The following MYCBP2 variants were observed in gnomAD, a reference collection of about 807,000 sequenced individuals.
MYCBP2 encodes the protein E3 ubiquitin-protein ligase MYCBP2.
A neutral mutation model predicts 525.3 loss-of-function variants in MYCBP2; 120 were observed. The ratio of observed to expected loss-of-function variants is 0.23; its 90% CI spans 0.20 to 0.27. The LOEUF (loss-of-function observed/expected upper bound fraction) is 0.27. MYCBP2 is among the 10% of genes least tolerant of loss of function. The pLI is 1.00. For synonymous variants in MYCBP2, 1,894 were observed against 1,955.8 expected (o/e 0.97, Z 0.83); for missense variants, 4,149 against 5,657.1 (o/e 0.73, Z 8.55).
intron 4 of MYCBP2, among the ~76,000 whole-genome samples, chr13:77,276,816 G>GC (rs2075654647): frequency 2.6e-5 from 2 of 76,220 alleles, no homozygotes; most frequent in Admixed American, 3.6e-4. Context: ...TCCATGCCCA[G>GC]TTTTTTTTTT....
intron 14 of MYCBP2, among the ~76,000 whole-genome samples, chr13:77,252,415 A>C (rs1164857906): frequency 6.6e-6 from 1 of 152,214 alleles, no homozygotes; most frequent in African/African-American, 2.4e-5. Context: ...TGTAGTAAGA[A>C]AGACAGACAT....
intron 1 of MYCBP2, among the ~76,000 whole-genome samples, chr13:77,319,441 T>TG (rs2081336373): frequency 6.6e-6 from 1 of 152,196 alleles, no homozygotes; most frequent in Non-Finnish European, 1.5e-5. Flanking sequence ...CTACCTACCT[T>TG]GGTGCTCTGC....
intron 33 of MYCBP2, 23 bp from the exon 34 acceptor site, chr13:77,180,341 C>G: frequency 6.2e-7 from 1 of 1,605,752 alleles, no homozygotes; most frequent in Non-Finnish European, 8.5e-7. Context: ...AGAAAAAGTT[C>G]TAAGGTATTG....
chr13:77,277,886 G>A (rs2075798860), intron 4 of MYCBP2, among the ~76,000 whole-genome samples: 1 of 152,160 alleles, frequency 6.6e-6, no homozygotes, highest in East Asian at 1.9e-4. Context: ...TAGCATCGGA[G>A]AAAAAAAGCA....
chr13:77,056,142 G>T (rs1192867727), intron 79 of MYCBP2, among the ~76,000 whole-genome samples: 2 of 148,200 alleles, frequency 1.3e-5, no homozygotes, highest in Admixed American at 6.7e-5. Flanking sequence ...GTGTGTGTGT[G>T]TGTGTGTGTG....
At chr13:77,192,503 G>A (rs1009131300) in intron 27 of MYCBP2, among the ~76,000 whole-genome samples, 4 of 152,276 alleles carry the variant, frequency 2.6e-5, no homozygotes, top group African/African-American at 9.6e-5. Flanking sequence ...CAGAGTGGAA[G>A]GAATGTTTAT....
intron 2 of MYCBP2, among the ~76,000 whole-genome samples, chr13:77,293,274 A>G (rs2077690879): frequency 6.6e-6 from 1 of 152,224 alleles, no homozygotes; most frequent in African/African-American, 2.4e-5. Context: ...TAATCACAGA[A>G]GAAAAGAGAA....
intron 1 of MYCBP2, among the ~76,000 whole-genome samples, chr13:77,304,502 G>C (rs926953651): frequency 1.3e-5 from 2 of 152,256 alleles, no homozygotes; most frequent in Admixed American, 6.5e-5. Context: ...CAAAATCAGA[G>C]CTAGAAAGTA....
At chr13:77,320,979 T>C (rs1323271291) in intron 1 of MYCBP2, among the ~76,000 whole-genome samples, 4 of 152,176 alleles carry the variant, frequency 2.6e-5, no homozygotes, top group African/African-American at 9.7e-5. Context: ...TAGGAGGGCC[T>C]GACAGAACTT....
chr13:77,239,451 C>T (rs1457318512), intron 17 of MYCBP2, among the ~76,000 whole-genome samples: 2 of 152,106 alleles, frequency 1.3e-5, no homozygotes, highest in East Asian at 1.9e-4. Context: ...CAGAGAAGAG[C>T]CTTAGAACAC....
chr13:77,286,789 A>AAT (rs1197559343), intron 3 of MYCBP2, among the ~76,000 whole-genome samples: 4,181 of 42,138 alleles, frequency 0.099, 232 homozygotes, highest in East Asian at 0.12. Context: ...AAAAAAAAAA[A>AAT]ATATATATAT....
intron 55 of MYCBP2, among the ~76,000 whole-genome samples, chr13:77,117,695 T>C (rs1459552065): frequency 6.6e-6 from 1 of 152,158 alleles, no homozygotes; most frequent in Non-Finnish European, 1.5e-5. Context: ...GAACACACTG[T>C]TGTCATACTG....
intron 68 of MYCBP2, among the ~76,000 whole-genome samples, chr13:77,076,486 C>T (rs1345958316): frequency 6.6e-6 from 1 of 152,088 alleles, no homozygotes; most frequent in Non-Finnish European, 1.5e-5. Context: ...GAGAAGATAA[C>T]TGATGGGGTA....
chr13:77,197,319 T>A (rs2061857065), intron 26 of MYCBP2, among the ~76,000 whole-genome samples: 1 of 151,934 alleles, frequency 6.6e-6, no homozygotes, highest in Non-Finnish European at 1.5e-5. Flanking sequence ...CCTAGGGTAG[T>A]GGTAGAAAAG....
chr13:77,253,357 T>C (rs915745912), intron 14 of MYCBP2, among the ~76,000 whole-genome samples: 1 of 151,846 alleles, frequency 6.6e-6, no homozygotes, highest in Non-Finnish European at 1.5e-5. Context: ...TAACCAAAAC[T>C]GGAAACCATC....
At chr13:77,186,573 A>G (rs1190864990) in intron 30 of MYCBP2, among the ~76,000 whole-genome samples, 1 of 152,184 alleles carries the variant, frequency 6.6e-6, no homozygotes, top group Non-Finnish European at 1.5e-5. Flanking sequence ...TTTTTGATAA[A>G]TACATTAATA....
chr13:77,083,756 C>T (rs1298271820), intron 62 of MYCBP2, among the ~76,000 whole-genome samples: 1 of 152,026 alleles, frequency 6.6e-6, no homozygotes, highest in Non-Finnish European at 1.5e-5. Context: ...TATGGAATAA[C>T]TTTTTATTAT....
intron 1 of MYCBP2, among the ~76,000 whole-genome samples, chr13:77,316,572 G>A (rs1358409821): frequency 6.6e-6 from 1 of 152,154 alleles, no homozygotes; most frequent in Non-Finnish European, 1.5e-5. Context: ...CTTCAAATAA[G>A]GCATGGAAAA....
intron 68 of MYCBP2, chr13:77,075,686 G>C (rs2042172139): frequency 6.6e-6 from 1 of 152,096 alleles, no homozygotes; most frequent in East Asian, 1.9e-4. Flanking sequence ...GGGGGGGTGA[G>C]GGGAATGCAG....
Sources: allele counts gnomAD v4.1 joint callset (sites outside exome capture counted in the v4.1 genomes callset), GRCh38; gene constraint gnomAD v4.1.1; transcripts MANE v1.5; gene names NCBI Gene and HGNC (gene_info 2026-07-23, HGNC 2026-07-21).